The following SHKBP1 variants were observed in gnomAD, a reference collection of about 807,000 sequenced individuals.
SHKBP1 encodes SH3KBP1 binding protein 1.
In SHKBP1, 71 loss-of-function variants were observed where a neutral mutation model predicts 83.9. The ratio of observed to expected loss-of-function variants is 0.85; its 90% CI spans 0.70 to 1.03. The LOEUF is 1.03. Ranked by LOEUF, SHKBP1 falls within the 50% of genes least tolerant of loss-of-function variation. SHKBP1 has a pLI of 0.00. For synonymous variants in SHKBP1, 371 were observed against 398.0 expected (o/e 0.93, Z 0.81); for missense variants, 824 against 982.4 (o/e 0.84, Z 2.16).
At position 40,577,211 on chromosome 19, in the gene SHKBP1, C is replaced by T. The variant is rs749143271; in HGVS notation, c.87-20C>T. ...CCCGCTCCTCTTCATCTCTTGCGTC[C>T]GTTTACCTTCCCCGCCCAGATTCAG... On this transcript the variant is annotated intron_variant, in intron 1 of 17. Coordinates refer to ENST00000291842, the MANE Select transcript of SHKBP1 (RefSeq NM_138392.4). 3 of 1,612,804 alleles carry T rather than the reference C, an allele frequency of 1.9e-6. No individual in the cohort carries two copies. The highest frequency in any genetic ancestry group is 2.5e-6 in the Non-Finnish European group (3 of 1,179,870).
At position 40,588,665 on chromosome 19, in the gene SHKBP1, C is replaced by T. The variant is rs1433638245; in HGVS notation, c.1378C>T (p.Arg460Cys). The change falls in exon 14 of 18, where the codon CGC becomes TGC. Residue 460 changes from arginine to cysteine, a missense_variant. Arg to Cys is a radical substitution (Grantham distance 180). Around this residue, in one of 3 missense-constraint regions of SHKBP1, gnomAD observed 182 missense variants for 273.1 expected, o/e 0.67. Transcript: ENST00000291842. ...NNHVRTWSVT[R>C]FRGMISTQPG... ...CCACGTGCGGACATGGTCTGTGACT[C>T]GCTTCCGCGGCATGATTTCCACCCA... is the stretch of plus-strand genomic sequence containing the variant. 2.0e-5 allele frequency: 33 copies of T among 1,614,070 alleles called. 1 individual carries two copies. Among genetic ancestry groups the T allele is most frequent in the Non-Finnish European group, 2.7e-5 (32 of 1,180,046 alleles).
chr19:40,589,314 A>G, intron 15 of SHKBP1, 136 bp downstream of exon 15: 2 of 860,710 alleles, frequency 2.3e-6, no homozygotes, highest in Non-Finnish European at 3.7e-6. Flanking sequence ...GAAGGAGCAA[A>G]GGCTGGGAGG....
In SHKBP1 at chr19:40,577,257, C is replaced by G; in HGVS notation, c.113C>G (p.Thr38Ser). 1.9e-6 allele frequency: 3 copies of G among 1,614,058 alleles called. No homozygotes were observed. Among genetic ancestry groups the G allele is most frequent in the Non-Finnish European group, 2.5e-6 (3 of 1,180,022 alleles). ...KRFSTSRQTL[T>S]WIPDSFFSSL... ...TTCAGTACCTCTCGCCAGACTCTCA[C>G]CTGGATCCCAGACTCCTTCTTCTCC... The change falls in exon 2 of 18, where the codon ACC becomes AGC. Residue 38 changes from threonine (T) to serine (S), a missense_variant. Around this residue, in one of 3 missense-constraint regions of SHKBP1, gnomAD observed 355 missense variants for 386.4 expected, o/e 0.92. Transcript: ENST00000291842.
intron 12 of SHKBP1, among the ~76,000 whole-genome samples, chr19:40,584,994 G>A (rs1216665011): frequency 2.0e-5 from 3 of 152,078 alleles, no homozygotes; most frequent in African/African-American, 7.2e-5. Context: ...CCTATTCTAG[G>A]TTACAAAGAT....
intron 11 of SHKBP1, 41 bp downstream of exon 11, chr19:40,583,526 C>G (rs1314897252): frequency 6.2e-7 from 1 of 1,611,480 alleles, no homozygotes; most frequent in Non-Finnish European, 8.5e-7. Flanking sequence ...AGACCCTCCC[C>G]TGGGAGAGGG....
At chr19:40,588,830 C>G (rs887200054) in intron 14 of SHKBP1, 51 bp downstream of exon 14, 2 of 1,596,592 alleles carry the variant, frequency 1.3e-6, no homozygotes, top group Non-Finnish European at 1.7e-6. Context: ...TTACCTGACC[C>G]CTGTTGACCT....
Position 40,590,329 on chromosome 19 carries a change from C to G in SHKBP1, c.1675C>G (p.Arg559Gly). Residue 559 changes from arginine to glycine, a missense_variant, in exon 16 of 18, where the codon CGG (arginine) becomes GGG (glycine). This residue lies in a region of SHKBP1 where 287 missense variants were observed against 322.9 expected (regional missense o/e 0.89). Transcript: ENST00000291842. The surrounding 1 kb of genome is among the most constrained non-coding windows in gnomAD (Gnocchi z 4.6). ...CGAGGGCTCCCGGCGGCTCGGCTCT[C>G]GGCCCCGGCGCTACCTGCTCACTGG... ...ECEGSRRLGS[R>G]PRRYLLTGQA... 5 of 1,610,718 alleles carry G rather than the reference C, an allele frequency of 3.1e-6. No individual in the cohort carries two copies. The highest frequency in any genetic ancestry group is 3.4e-6 in the Non-Finnish European group (4 of 1,178,970).
In SHKBP1 at chr19:40,590,291, C is replaced by T; in HGVS notation, c.1637C>T (p.Thr546Ile). ...GACGGCTCACCCACGACAGCCTTCA[C>T]AGTGCTGGAGTGCGAGGGCTCCCGG... ...SVDGSPTTAFTVLECEGSRRL... is the reference protein window; with the variant it reads ...SVDGSPTTAFIVLECEGSRRL... The change falls in exon 16 of 18, where the codon ACA (threonine) becomes ATA (isoleucine). Residue 546 changes from threonine to isoleucine, a missense_variant. By Grantham distance (89) the Thr-to-Ile change is moderately conservative. Transcript: ENST00000291842. This position sits in a 1 kb window ranked among gnomAD's most constrained non-coding sequence, Gnocchi z 4.6. 1.2e-6 allele frequency: 2 copies of T among 1,608,090 alleles called. No homozygotes were observed.
At chr19:40,577,152 C>A (rs1330242076) in intron 1 of SHKBP1, 79 bp from the exon 2 acceptor site, 1 of 1,564,118 alleles carries the variant, frequency 6.4e-7, no homozygotes, top group East Asian at 2.3e-5. Flanking sequence ...GGGGAGGGAA[C>A]CCTGGATCCT....
chr19:40,586,580 T>A (rs1470424542), intron 12 of SHKBP1, 194 bp from the exon 13 acceptor site: 4 of 428,318 alleles, frequency 9.3e-6, no homozygotes, highest in Non-Finnish European at 1.6e-5. Context: ...TTGGCCAGGC[T>A]GGTCTTGAAC....
At chr19:40,588,896 C>T in intron 14 of SHKBP1, 117 bp downstream of exon 14, 1 of 1,429,584 alleles carries the variant, frequency 7.0e-7, no homozygotes, top group African/African-American at 1.4e-5. Context: ...ATTGGGGTGT[C>T]CTGATCCTTG....
rs74396912 is a variant in SHKBP1 at position 40,584,605 on chromosome 19, T to C, written c.1165+888T>C. Among the ~76,000 whole-genome samples, 1,319 of 152,322 alleles carry C rather than the reference T, an allele frequency of 8.7e-3. 27 individuals carry two copies. Among genetic ancestry groups the C allele is most frequent in the African/African-American group, 0.03 (1,229 of 41,564 alleles). Reference sequence around the variant, plus strand: ...TCCACATTTCTCACTTCTGATACCCTCTAGAAATCACTAATATGCTTTCTC... The same window carrying C: ...TCCACATTTCTCACTTCTGATACCCCCTAGAAATCACTAATATGCTTTCTC... On this transcript the variant is annotated intron_variant, in intron 12 of 17. Coordinates refer to ENST00000291842, the MANE Select transcript of SHKBP1 (RefSeq NM_138392.4).
At position 40,590,851 on chromosome 19, in the gene SHKBP1, C is replaced by T. The variant is rs1307991187; in HGVS notation, c.1890C>T (p.Thr630=). ...GCCCCTCACCCCGCATCTCCCTCAC[C>T]AGGTAGCCACAACTCCACTGCCCCT... The part of the protein sequence containing the change: ...LPSPSPRISL[T]SLHSASSNTS... The change falls in exon 17 of 18, where the codon ACC becomes ACT. Residue 630 remains threonine (T), a splice_region_variant and synonymous_variant. Transcript: ENST00000291842. The surrounding 1 kb of genome is among the most constrained non-coding windows in gnomAD (Gnocchi z 4.6). 5 of 1,578,768 alleles carry T rather than the reference C, an allele frequency of 3.2e-6. No homozygotes were observed. Among genetic ancestry groups the T allele is most frequent in the Non-Finnish European group, 4.3e-6 (5 of 1,154,962 alleles).
chr19:40,577,331 G>A (rs1398684415), intron 2 of SHKBP1, 47 bp downstream of exon 2: 2 of 1,613,748 alleles, frequency 1.2e-6, no homozygotes. Context: ...GGATGGAGAG[G>A]GCGTGGGAGA....
At position 40,583,700 on chromosome 19, in the gene SHKBP1, A is replaced by C; in HGVS notation, c.1148A>C (p.Tyr383Ser). The change falls in exon 12 of 18, where the codon TAC (tyrosine) becomes TCC (serine). Residue 383 changes from tyrosine (Y) to serine (S), a missense_variant. By Grantham distance (144) the Tyr-to-Ser change is moderately radical. Around this residue, in one of 3 missense-constraint regions of SHKBP1, gnomAD observed 182 missense variants for 273.1 expected, o/e 0.67. Coordinates refer to ENST00000291842, the MANE Select transcript of SHKBP1 (RefSeq NM_138392.4). ...AEDGVTALSV[Y>S]LTPKTSDSGN... Reference sequence around the variant, plus strand: ...GATGGGGTCACCGCCCTCAGTGTCTACCTCACCCCCAAGACCAGTAAGCTA... The same window carrying C: ...GATGGGGTCACCGCCCTCAGTGTCTCCCTCACCCCCAAGACCAGTAAGCTA... 6.2e-7 allele frequency: 1 copy of C among 1,613,382 alleles called. No homozygotes were observed. Among genetic ancestry groups the C allele is most frequent in the Non-Finnish European group, 8.5e-7 (1 of 1,179,704 alleles).
At chr19:40,579,695 AG>A (rs1192722998) in intron 6 of SHKBP1, among the ~76,000 whole-genome samples, 6 of 152,136 alleles carry the variant, frequency 3.9e-5, no homozygotes, top group Non-Finnish European at 7.4e-5. Context: ...AACTCTGGCT[AG>A]ATGCTATTGC....
At position 40,588,751 on chromosome 19, in the gene SHKBP1, T is replaced by C. The variant is rs1207508376; in HGVS notation, c.1464T>C (p.His488=). The change falls in exon 14 of 18, where the codon CAT becomes CAC. Residue 488 remains histidine (H), a synonymous_variant. Transcript: ENST00000291842. The stretch of plus-strand genomic sequence containing the variant: ...TGGCTCTGGAGTCGGCAGATGGGCA[T>C]GGCGGCTGCAGTGCTGGCAATGACA... The part of the protein sequence containing the change: ...KILALESADG[H]GGCSAGNDIG... The C allele has an allele frequency of 1.2e-6, 2 of 1,613,814 alleles. No homozygotes were observed. Among genetic ancestry groups the C allele is most frequent in the East Asian group, 2.2e-5 (1 of 44,882 alleles).
In SHKBP1 at chr19:40,580,830, G is replaced by C. The variant is rs772497140; in HGVS notation, c.738G>C (p.Arg246=). 1.2e-6 allele frequency: 2 copies of C among 1,613,578 alleles called. No homozygotes were observed. Among genetic ancestry groups the C allele is most frequent in the Admixed American group, 1.7e-5 (1 of 59,940 alleles). Residue 246 remains arginine (R), a synonymous_variant, in exon 9 of 18, where the codon CGG becomes CGC. Coordinates refer to ENST00000291842, the MANE Select transcript of SHKBP1 (RefSeq NM_138392.4). ...TCGAACGACTGGCGCTCACAGCCCG[G>C]GTGCATGGTGGGGCTTTGGGTGAAC... ...WPIERLALTA[R]VHGGALGEHD... is the part of the protein sequence containing the mutation.
chr19:40,582,958 G>C (rs1056912160), intron 10 of SHKBP1, among the ~76,000 whole-genome samples: 2 of 152,096 alleles, frequency 1.3e-5, no homozygotes, highest in Non-Finnish European at 2.9e-5. Context: ...CTGAACCACT[G>C]TGGCAGATGG....
Sources: allele counts gnomAD v4.1 joint callset (sites outside exome capture counted in the v4.1 genomes callset), GRCh38; gene constraint gnomAD v4.1.1; regional missense constraint gnomAD v4.1.1; non-coding constraint Gnocchi (gnomAD v3.1); transcripts MANE v1.5; gene names NCBI Gene and HGNC (gene_info 2026-07-23, HGNC 2026-07-21).